The following FAM149A variants were observed in gnomAD, a reference collection of about 807,000 sequenced individuals.
FAM149A encodes protein FAM149A.
A neutral mutation model predicts 78.2 loss-of-function variants in FAM149A; 71 were observed. The observed-to-expected ratio is 0.91, with a 90% CI of 0.75 to 1.11. The LOEUF (loss-of-function observed/expected upper bound fraction) is 1.11. FAM149A is among the 50% of genes least tolerant of loss of function. The pLI, the probability that FAM149A is intolerant of heterozygous loss-of-function variation, is 0.00. For synonymous variants in FAM149A, 446 were observed against 410.5 expected (o/e 1.09, Z -1.04); for missense variants, 1,036 against 971.0 (o/e 1.07, Z -0.89).
intron 1 of FAM149A, chr4:186,125,714 C>T (rs2099318037): frequency 1.0e-6 from 1 of 984,610 alleles, no homozygotes. Flanking sequence ...ATTAACACTA[C>T]TATTATTGTG....
intron 3 of FAM149A, among the ~76,000 whole-genome samples, chr4:186,150,587 T>TC (rs1733472157): frequency 1.9e-4 from 1 of 5,398 alleles, no homozygotes; most frequent in Non-Finnish European, 8.1e-4. Context: ...GCCCGGCTAA[T>TC]TTTTTGTATT....
intron 8 of FAM149A, 54 bp from the exon 9 acceptor site, chr4:186,162,791 G>A (rs1158323486): frequency 1.0e-6 from 1 of 960,902 alleles, no homozygotes; most frequent in Non-Finnish European, 1.6e-6. Context: ...CATTGGAACG[G>A]CACTGGGCAT....
intron 1 of FAM149A, chr4:186,127,697 G>GTTATGT (rs2099318925): frequency 2.2e-6 from 2 of 923,550 alleles, no homozygotes; most frequent in African/African-American, 5.1e-5. Flanking sequence ...TTTTTGTTTT[G>GTTATGT]TTTTGGAGAT....
At chr4:186,166,796 C>T (rs1735069635) in intron 11 of FAM149A, among the ~76,000 whole-genome samples, 172 bp from the exon 12 acceptor site, 1 of 151,774 alleles carries the variant, frequency 6.6e-6, no homozygotes, top group African/African-American at 2.4e-5. Context: ...AGTGCAGTTA[C>T]ATAATCAAAA....
rs138627659 is a variant in FAM149A at position 186,110,125 on chromosome 4, C to T, written c.566+4483C>T. 4 of 985,410 alleles carry T rather than the reference C, an allele frequency of 4.1e-6. No individual in the cohort carries two copies. The African/African-American group carries it at 7.0e-5, about 17-fold the overall frequency. The allele number at this position is 985,410 out of a possible 1,614,324, so 61.0% of individuals were successfully genotyped here. A position where few individuals can be genotyped will look rare whatever the true frequency, so the allele number is the denominator to read the frequency against. On this transcript the variant is annotated intron_variant, in intron 1 of 13. Transcript: ENST00000389354. ...TTGTCCTGTGACACTTAAGGGAACACATGCCCATAAAAGACATTTAGCAAA... is the reference window on the plus strand; with the variant it reads ...TTGTCCTGTGACACTTAAGGGAACATATGCCCATAAAAGACATTTAGCAAA...
chr4:186,136,041 C>T (rs1450637338), intron 1 of FAM149A, among the ~76,000 whole-genome samples: 1 of 152,198 alleles, frequency 6.6e-6, no homozygotes, highest in South Asian at 2.1e-4. Context: ...GGATCAATTG[C>T]ATCTTAATAT....
chr4:186,118,055 A>G (rs2099314454), intron 1 of FAM149A: 1 of 985,386 alleles, frequency 1.0e-6, no homozygotes. Flanking sequence ...AAACATCTAG[A>G]GAAGGGCCAG....
intron 8 of FAM149A, among the ~76,000 whole-genome samples, chr4:186,160,468 TACACCACACAC>T (rs1398160821): frequency 1.2e-3 from 136 of 116,730 alleles, no homozygotes; most frequent in African/African-American, 4.5e-3. Context: ...CCACACACCA[TACACCACACAC>T]ACACCACACA....
chr4:186,107,956 A>G (rs1393337163), intron 1 of FAM149A, among the ~76,000 whole-genome samples: 2 of 152,212 alleles, frequency 1.3e-5, no homozygotes, highest in Admixed American at 6.5e-5. Flanking sequence ...ATAAGAGACA[A>G]AGGGGAAGGA....
rs144020974 is a variant in FAM149A at position 186,108,261 on chromosome 4, C to T, written c.566+2619C>T. Among the ~76,000 whole-genome samples, 456 of 152,162 alleles carry T rather than the reference C, an allele frequency of 3.0e-3. 1 individual carries two copies. Among genetic ancestry groups the T allele is most frequent in the African/African-American group, 0.011 (441 of 41,506 alleles). On this transcript the variant is annotated intron_variant, in intron 1 of 13. Coordinates refer to ENST00000389354, the MANE Select transcript of FAM149A (RefSeq NM_001367768.3). Reference sequence around the variant, plus strand: ...TTAAAGAGTGATGAGAATGTGAATACATATAAAGGAAACCGTAAACCTGTC... The same window carrying T: ...TTAAAGAGTGATGAGAATGTGAATATATATAAAGGAAACCGTAAACCTGTC...
chr4:186,126,316 G>A (rs2126323064), intron 1 of FAM149A, among the ~76,000 whole-genome samples: 1 of 152,240 alleles, frequency 6.6e-6, no homozygotes, highest in Non-Finnish European at 1.5e-5. Context: ...CCATATGGTG[G>A]TGTGACGGTC....
intron 1 of FAM149A, among the ~76,000 whole-genome samples, chr4:186,140,018 G>T (rs968420191): frequency 6.6e-6 from 1 of 152,042 alleles, no homozygotes; most frequent in Admixed American, 6.5e-5. Flanking sequence ...GCTGAAAAAA[G>T]GAATAATTTA....
At chr4:186,123,495 G>T (rs2099316946) in intron 1 of FAM149A, 1 of 515,524 alleles carries the variant, frequency 1.9e-6, no homozygotes, top group Non-Finnish European at 2.5e-6. Flanking sequence ...ATTTTCCAGG[G>T]TTGCATTTTC....
intron 1 of FAM149A, among the ~76,000 whole-genome samples, chr4:186,113,643 C>T (rs867231000): frequency 1.9e-4 from 28 of 147,840 alleles, no homozygotes; most frequent in African/African-American, 6.5e-4. Context: ...GCCTTCATTT[C>T]GTTATGTATC....
At position 186,160,712 on chromosome 4, in the gene FAM149A, CCA is replaced by C. The variant is rs200146659; in HGVS notation, c.1576-2123_1576-2122del. 597 of 821,842 alleles carry C rather than the reference CCA, an allele frequency of 7.3e-4. 2 individuals carry two copies. The African/African-American group carries it at 9.1e-3, about 13-fold the overall frequency. The allele number at this position is 821,842 out of a possible 1,614,324, so 50.9% of individuals were successfully genotyped here. Reference sequence around the variant, plus strand: ...CACATACCACACACACTACCACACACCACACACACACCTCACCACACCCCACA... The same window carrying C: ...CACATACCACACACACTACCACACACCACACACACCTCACCACACCCCACA... On this transcript the variant is annotated intron_variant, in intron 8 of 13. Transcript: ENST00000389354.
At chr4:186,168,972 ACT>A (rs1735301440) in intron 13 of FAM149A, among the ~76,000 whole-genome samples, 2 of 151,850 alleles carry the variant, frequency 1.3e-5, no homozygotes, top group Non-Finnish European at 2.9e-5. Flanking sequence ...CTGACAGATG[ACT>A]CTCTGGATGG....
chr4:186,109,783 A>G (rs2099310446), intron 1 of FAM149A: 1 of 983,988 alleles, frequency 1.0e-6, no homozygotes, highest in Non-Finnish European at 1.2e-6. Context: ...GATTCATTAT[A>G]TTTACCATGT....
At chr4:186,166,544 G>T (rs557442829) in intron 11 of FAM149A, among the ~76,000 whole-genome samples, 1 of 151,744 alleles carries the variant, frequency 6.6e-6, no homozygotes, top group East Asian at 1.9e-4. Context: ...CTCACTACTC[G>T]GGAGACTGAG....
intron 1 of FAM149A, among the ~76,000 whole-genome samples, chr4:186,106,774 C>T (rs892070719): frequency 3.9e-5 from 6 of 152,006 alleles, no homozygotes; most frequent in Non-Finnish European, 7.4e-5. Context: ...GATGAAACCC[C>T]GTCTCTACTA....
Sources: allele counts gnomAD v4.1 joint callset (sites outside exome capture counted in the v4.1 genomes callset), GRCh38; gene constraint gnomAD v4.1.1; transcripts MANE v1.5; gene names NCBI Gene and HGNC (gene_info 2026-07-23, HGNC 2026-07-21).